Variants in SMPD4 observed in about 807,000 individuals in gnomAD.
SMPD4 encodes neutral sphingomyelinase 3.
In SMPD4, 58 loss-of-function variants were observed where a neutral mutation model predicts 97.8. The observed-to-expected ratio is 0.59, with a 90% CI of 0.48 to 0.74. The LOEUF (loss-of-function observed/expected upper bound fraction) is 0.74. Ranked by LOEUF, SMPD4 falls within the 30% of genes least tolerant of loss-of-function variation. The pLI is 0.00. For missense variants in SMPD4, 853 were observed against 1,080.5 expected (o/e 0.79, Z 2.95); for synonymous variants, 388 against 450.0 (o/e 0.86, Z 1.74).
rs2599756 is a variant in SMPD4 at position 130,163,338 on chromosome 2, G to A, written c.864+1036C>T. 4.9e-3 allele frequency among the ~76,000 whole-genome samples: 744 copies of A among 152,270 alleles called. 10 individuals are homozygous for A. The highest frequency in any genetic ancestry group is 0.017 in the African/African-American group (696 of 41,564). On this transcript the variant is annotated intron_variant, in intron 10 of 19. Coordinates refer to ENST00000680298, the MANE Select transcript of SMPD4 (RefSeq NM_017951.5). ...GGTCCTCAGCTTTTCCCCATTCTCC[G>A]CCCATGTGATTCTGAGGGTGAGGAT...
rs1342498888 is a variant in SMPD4, at chr2:130,171,924, CCTGTTT to C, written c.659+419_659+424del. 2.0e-4 allele frequency among the ~76,000 whole-genome samples: 31 copies of C among 152,368 alleles called. No homozygotes were observed. In the East Asian group the frequency reaches 2.1e-3, roughly 10 times the overall value. On this transcript the variant is annotated intron_variant, in intron 8 of 19. Coordinates refer to ENST00000680298, the MANE Select transcript of SMPD4 (RefSeq NM_017951.5). Reference sequence around the variant, plus strand: ...CTGTGCAGGCACGCATCAGGCTCAGCCTGTTTGGACTGACAAAACAGGCTCTTTGGC... The same window carrying C: ...CTGTGCAGGCACGCATCAGGCTCAGCGGACTGACAAAACAGGCTCTTTGGC...
Position 130,167,461 on chromosome 2 carries a change from G to C in SMPD4, c.789C>G (p.Leu263=). Reference sequence around the variant, plus strand: ...TTTTGACCAGCTCAACTCTCACCTGGAGCAGAGTTTCTGACCTCCAGATCT... The same window carrying C: ...TTTTGACCAGCTCAACTCTCACCTGCAGCAGAGTTTCTGACCTCCAGATCT... The part of the protein sequence containing the change: ...SHEIWRSETL[L]QVFVEMWLHH... Residue 263 remains leucine (L), a synonymous_variant, in exon 9 of 20, where the codon CTC becomes CTG. Coordinates refer to ENST00000680298, the MANE Select transcript of SMPD4 (RefSeq NM_017951.5). 1 of 1,613,286 alleles carries C rather than the reference G, an allele frequency of 6.2e-7. No individual in the cohort carries two copies. The highest frequency in any genetic ancestry group is 8.5e-7 in the Non-Finnish European group (1 of 1,179,776).
chr2:130,153,634 G>A lies in SMPD4; in HGVS notation c.1893+68C>T, dbSNP rs570965252. The A allele has an allele frequency of 2.3e-5, 36 of 1,563,228 alleles. No homozygotes were observed. The South Asian group carries it at 3.6e-4, about 16-fold the overall frequency. ...GGGACTGGTAGGTGGCTGACCACAG[G>A]CTGGGTGGAGTGGATCCTTCAGGGA... On this transcript the variant is annotated intron_variant, in intron 17 of 19. Coordinates refer to ENST00000680298, the MANE Select transcript of SMPD4 (RefSeq NM_017951.5).
rs1368345516 is a variant in SMPD4 at position 130,179,576 on chromosome 2, C to T, written c.-46+1954G>A. Among the ~76,000 whole-genome samples, 3 of 150,820 alleles carry T rather than the reference C, an allele frequency of 2.0e-5. No individual in the cohort carries two copies. In the East Asian group the frequency reaches 5.9e-4, roughly 30 times the overall value. On this transcript the variant is annotated intron_variant, in intron 1 of 19. Coordinates refer to ENST00000680298, the MANE Select transcript of SMPD4 (RefSeq NM_017951.5). ...CTAATTTTTCTATTTTTAGTAGAGG[C>T]GGGTTTCCCTATGCTGGCCAGGCTG...
At chr2:130,162,860 C>G (rs1398117478) in intron 10 of SMPD4, among the ~76,000 whole-genome samples, 1 of 152,204 alleles carries the variant, frequency 6.6e-6, no homozygotes, top group African/African-American at 2.4e-5. Context: ...TCTCTGGGTA[C>G]TTGGTCCGGC....
chr2:130,172,253 G>T (rs928047698), intron 8 of SMPD4, 96 bp downstream of exon 8: 11 of 1,352,246 alleles, frequency 8.1e-6, no homozygotes, highest in Non-Finnish European at 9.9e-6. Flanking sequence ...TTGGGGAACC[G>T]TGGACAAAGG....
chr2:130,181,001 T>C (rs2104943324), intron 1 of SMPD4, among the ~76,000 whole-genome samples: 1 of 152,274 alleles, frequency 6.6e-6, no homozygotes, highest in Admixed American at 6.5e-5. Flanking sequence ...TTTTGTTTTG[T>C]TTTTCTGACA....
At chr2:130,179,773 G>A (rs1258124598) in intron 1 of SMPD4, among the ~76,000 whole-genome samples, 1 of 152,060 alleles carries the variant, frequency 6.6e-6, no homozygotes, top group Non-Finnish European at 1.5e-5. Context: ...TCCTGCCTCA[G>A]CCTCCCGAGT....
Position 130,167,554 on chromosome 2 carries a change from G to C in SMPD4, c.696C>G (p.His232Gln). 1 of 1,613,552 alleles carries C rather than the reference G, an allele frequency of 6.2e-7. No individual in the cohort carries two copies. Among genetic ancestry groups the C allele is most frequent in the Non-Finnish European group, 8.5e-7 (1 of 1,179,614 alleles). The change falls in exon 9 of 20, where the codon CAC becomes CAG. Residue 232 changes from histidine (H) to glutamine (Q), a missense_variant. Coordinates refer to ENST00000680298, the MANE Select transcript of SMPD4 (RefSeq NM_017951.5). Reference sequence around the variant, plus strand: ...TGTGTCGCTTTAGGAGGCTAGTGTGGTGGAGGCCATAGGAAGCAAAGGGTA... The same window carrying C: ...TGTGTCGCTTTAGGAGGCTAGTGTGCTGGAGGCCATAGGAAGCAAAGGGTA... The part of the protein sequence containing the change: ...PAIPFASYGL[H>Q]HTSLLKRHIS...
intron 10 of SMPD4, 23 bp from the exon 11 acceptor site, chr2:130,161,295 G>A (rs1041959628): frequency 6.2e-6 from 10 of 1,607,298 alleles, no homozygotes; most frequent in African/African-American, 2.7e-5. Flanking sequence ...ACAGAGAGAT[G>A]CCGGAAGAGG....
chr2:130,179,614 T>C (rs1689304002), intron 1 of SMPD4, among the ~76,000 whole-genome samples: 1 of 151,930 alleles, frequency 6.6e-6, no homozygotes, highest in Admixed American at 6.6e-5. Flanking sequence ...CTCAAATTCC[T>C]GGCCTCAAGT....
chr2:130,166,120 G>A (rs1393256853), intron 9 of SMPD4, among the ~76,000 whole-genome samples: 1 of 151,812 alleles, frequency 6.6e-6, no homozygotes, highest in Non-Finnish European at 1.5e-5. Context: ...TCAGGAGTTC[G>A]AGACATGGTG....
Position 130,172,491 on chromosome 2 carries a change from C to G in SMPD4, c.517G>C (p.Val173Leu), listed in dbSNP as rs554173926. ...TCTGAAGTACGGACGTGGAGGGACACAGGAAGTGGCTGGAAAACCAAGCTA... is the reference window on the plus strand; with the variant it reads ...TCTGAAGTACGGACGTGGAGGGACAGAGGAAGTGGCTGGAAAACCAAGCTA... Reference protein sequence around the residue: ...LSLITQKPLPVSLHVRTSDCA... With the variant: ...LSLITQKPLPLSLHVRTSDCA... Residue 173 changes from valine to leucine, a missense_variant, in exon 8 of 20, where the codon GTG (valine) becomes CTG (leucine). Coordinates refer to ENST00000680298, the MANE Select transcript of SMPD4 (RefSeq NM_017951.5). The G allele has an allele frequency of 6.2e-7, 1 of 1,611,158 alleles. No individual in the cohort carries two copies. The highest frequency in any genetic ancestry group is 2.2e-5 in the East Asian group (1 of 44,814).
At chr2:130,158,083 T>C in intron 11 of SMPD4, 2 of 721,594 alleles carry the variant, frequency 2.8e-6, no homozygotes, top group Non-Finnish European at 3.8e-6. Flanking sequence ...GAGGCTGCAG[T>C]GAGCTAGGAT....
chr2:130,181,535 G>T lies in SMPD4; in HGVS notation c.-51C>A, dbSNP rs1423803265. 2.5e-6 allele frequency: 4 copies of T among 1,604,636 alleles called. No individual in the cohort carries two copies. In the South Asian group the frequency reaches 4.5e-5, roughly 18 times the overall value. ...GCGCATCCCGCGCCACTCACCTGTG[G>T]GATCCATAGCGTCGCTCGCCTCAGA... On this transcript the variant is annotated 5_prime_UTR_variant, in exon 1 of 20. Transcript: ENST00000680298.
At chr2:130,158,331 TTC>T in intron 11 of SMPD4, 1 of 1,050,630 alleles carries the variant, frequency 9.5e-7, no homozygotes, top group African/African-American at 1.7e-5. Flanking sequence ...TTTTTTTTTT[TTC>T]TTGAGACAAC....
chr2:130,169,312 A>AC (rs1688216750), intron 8 of SMPD4, among the ~76,000 whole-genome samples: 1 of 152,210 alleles, frequency 6.6e-6, no homozygotes, highest in Admixed American at 6.5e-5. Flanking sequence ...CCTGTGAAAC[A>AC]TCACTGCACA....
At chr2:130,159,598 A>AATCCAGCCTGGAATGCCC (rs1189150123) in intron 11 of SMPD4, 8 of 152,140 alleles carry the variant, frequency 5.3e-5, no homozygotes, top group Non-Finnish European at 1.2e-4. Context: ...AGACCATGTC[A>AATCCAGCCTGGAATGCCC]ATGCATTCCA....
In SMPD4 at chr2:130,157,307, C is replaced by T. The variant is rs1686912856; in HGVS notation, c.1041G>A (p.Glu347=). The change falls in exon 12 of 20, where the codon GAG becomes GAA. Residue 347 remains glutamate, a synonymous_variant. Coordinates refer to ENST00000680298, the MANE Select transcript of SMPD4 (RefSeq NM_017951.5). The part of the protein sequence containing the change: ...LHAFANSLKP[E]QASPSAHSHA... ...GGGAGTGGGCGGAGGGTGAGGCCTG[C>T]TCTGGCTTCAGGCTGTTGGCAAAGG... 3 of 1,577,536 alleles carry T rather than the reference C, an allele frequency of 1.9e-6. No homozygotes were observed. Among genetic ancestry groups the T allele is most frequent in the Non-Finnish European group, 2.6e-6 (3 of 1,162,272 alleles).
Sources: gnomAD v4.1 joint callset for allele counts (sites outside exome capture counted in the v4.1 genomes callset) on GRCh38, gnomAD v4.1.1 for gene constraint, MANE v1.5 for transcripts, NCBI Gene and HGNC (gene_info 2026-07-23, HGNC 2026-07-21) for gene names.